Variants in SLC16A7 observed in about 807,000 individuals in gnomAD.
SLC16A7 encodes monocarboxylate transporter 2.
SLC16A7 carries 33 observed loss-of-function variants against 34.9 expected under a neutral mutation model. The ratio of observed to expected loss-of-function variants is 0.94; its 90% CI spans 0.72 to 1.26. The LOEUF (loss-of-function observed/expected upper bound fraction) is 1.26. Ranked by LOEUF, SLC16A7 falls within the 50% of genes most tolerant of loss-of-function variation. SLC16A7 has a pLI of 0.00. For missense variants in SLC16A7, 573 were observed against 578.1 expected, an observed-to-expected ratio of 0.99 and a Z score of 0.09; for synonymous variants, 201 against 206.6, an observed-to-expected ratio of 0.97 and a Z score of 0.23.
At chr12:59,752,395 C>T (rs992029546) in intron 3 of SLC16A7, among the ~76,000 whole-genome samples, 2 of 152,046 alleles carry the variant, frequency 1.3e-5, no homozygotes, top group Non-Finnish European at 2.9e-5. Flanking sequence ...ATAACCAATA[C>T]AGAGAAGTGC....
At chr12:59,678,980 A>G (rs1011424370) in intron 2 of SLC16A7, among the ~76,000 whole-genome samples, 2 of 152,168 alleles carry the variant, frequency 1.3e-5, no homozygotes, top group South Asian at 2.1e-4. Flanking sequence ...CTGGGTTGCA[A>G]CAGTGCCCAG....
intron 2 of SLC16A7, among the ~76,000 whole-genome samples, chr12:59,673,015 A>G (rs1387750128): frequency 6.6e-6 from 1 of 152,290 alleles, no homozygotes; most frequent in East Asian, 1.9e-4. Flanking sequence ...TAACAAAGCC[A>G]TAGAATTCTG....
intron 2 of SLC16A7, among the ~76,000 whole-genome samples, chr12:59,665,792 CTT>C (rs1477702394): frequency 2.7e-5 from 4 of 147,672 alleles, no homozygotes; most frequent in Non-Finnish European, 1.5e-5. Context: ...ATACATATAA[CTT>C]TTATATATAT....
intron 2 of SLC16A7, among the ~76,000 whole-genome samples, chr12:59,692,723 C>T (rs562504438): frequency 4.6e-5 from 7 of 151,894 alleles, no homozygotes; most frequent in Admixed American, 3.3e-4. Flanking sequence ...ATTTAACCAC[C>T]GCAATAGTGT....
intron 1 of SLC16A7, among the ~76,000 whole-genome samples, chr12:59,612,519 T>G (rs1879245653): frequency 6.6e-6 from 1 of 152,198 alleles, no homozygotes; most frequent in African/African-American, 2.4e-5. Context: ...TTCCCCATTG[T>G]CTTGGTGATT....
At chr12:59,728,508 A>C (rs1876555796) in intron 3 of SLC16A7, among the ~76,000 whole-genome samples, 2 of 152,220 alleles carry the variant, frequency 1.3e-5, no homozygotes, top group African/African-American at 2.4e-5. Context: ...GGAGCTTTCA[A>C]GTACAAGAAC....
intron 3 of SLC16A7, among the ~76,000 whole-genome samples, chr12:59,718,225 C>T: frequency 6.6e-6 from 1 of 152,018 alleles, no homozygotes. Flanking sequence ...CTTCCTTTTT[C>T]CACTGGCAAT....
chr12:59,694,984 T>A (rs987886817), intron 2 of SLC16A7, among the ~76,000 whole-genome samples: 27 of 151,920 alleles, frequency 1.8e-4, no homozygotes, highest in African/African-American at 6.5e-4. Context: ...GTCAATTATG[T>A]TAAGGTGCTG....
At position 59,743,248 on chromosome 12, in the gene SLC16A7, A is replaced by C. The variant is rs557614245; in HGVS notation, c.218-27971A>C. 1.4e-3 allele frequency among the ~76,000 whole-genome samples: 210 copies of C among 152,344 alleles called. 1 individual carries two copies. Among genetic ancestry groups the C allele is most frequent in the Middle Eastern group, 6.8e-3 (2 of 294 alleles). ...AGTCAGAACAAAAGGCAAACTTTGT[A>C]AATTATTTACCTATAAATCAAAACA... On this transcript the variant is annotated intron_variant, in intron 3 of 5. Transcript: ENST00000547379.
rs577632939 is a variant in SLC16A7 at position 59,646,232 on chromosome 12, G to A, written c.-129-8920G>A. On this transcript the variant is annotated intron_variant, in intron 1 of 5. Transcript: ENST00000547379. ...AGAGACCGTCACAGCAGCCCCTTCC[G>A]TCACAGGCTTGGAGGCCTAGGAGGG... 3.5e-4 allele frequency among the ~76,000 whole-genome samples: 53 copies of A among 152,264 alleles called. 1 individual carries two copies. In the South Asian group the frequency reaches 3.9e-3, roughly 11 times the overall value.
intron 3 of SLC16A7, among the ~76,000 whole-genome samples, chr12:59,721,913 G>A (rs1875646221): frequency 6.6e-6 from 1 of 151,532 alleles, no homozygotes; most frequent in South Asian, 2.1e-4. Context: ...TCTATTTTTG[G>A]TTCTTCCTTT....
intron 2 of SLC16A7, among the ~76,000 whole-genome samples, chr12:59,682,018 G>T: frequency 6.6e-6 from 1 of 152,128 alleles, no homozygotes; most frequent in South Asian, 2.1e-4. Context: ...AAGGAACTGG[G>T]TTAAACTCAC....
intron 3 of SLC16A7, among the ~76,000 whole-genome samples, chr12:59,715,367 T>C (rs1292591197): frequency 2.0e-5 from 3 of 152,220 alleles, no homozygotes; most frequent in African/African-American, 7.2e-5. Flanking sequence ...CTATAATTTA[T>C]TCCTGAATTA....
At chr12:59,694,382 A>C (rs1872031893) in intron 2 of SLC16A7, among the ~76,000 whole-genome samples, 1 of 151,952 alleles carries the variant, frequency 6.6e-6, no homozygotes, top group Non-Finnish European at 1.5e-5. Context: ...TATGATTTAC[A>C]TACAAAAAGC....
intron 1 of SLC16A7, among the ~76,000 whole-genome samples, chr12:59,610,938 C>A (rs903862480): frequency 1.3e-5 from 2 of 151,800 alleles, no homozygotes; most frequent in African/African-American, 4.8e-5. Context: ...TTTTTTTTCA[C>A]AGTTCTGGAG....
At chr12:59,664,237 T>C (rs1869015073) in intron 2 of SLC16A7, among the ~76,000 whole-genome samples, 1 of 152,080 alleles carries the variant, frequency 6.6e-6, no homozygotes, top group South Asian at 2.1e-4. Flanking sequence ...ACCTAGAATA[T>C]GAGAAGCATT....
At chr12:59,682,797 A>G (rs1565646677) in intron 2 of SLC16A7, among the ~76,000 whole-genome samples, 1 of 152,188 alleles carries the variant, frequency 6.6e-6, no homozygotes, top group African/African-American at 2.4e-5. Flanking sequence ...GCGGCCAGTC[A>G]CAGTAGCTCA....
chr12:59,708,984 C>CA, intron 3 of SLC16A7, among the ~76,000 whole-genome samples: 1 of 151,540 alleles, frequency 6.6e-6, no homozygotes, highest in East Asian at 1.9e-4. Context: ...AGTGTGGTCA[C>CA]CCCATTAATA....
chr12:59,720,414 A>G (rs1693602), intron 3 of SLC16A7, among the ~76,000 whole-genome samples: 18,643 of 152,098 alleles, frequency 0.12, 1,495 homozygotes, highest in African/African-American at 0.22. Context: ...TTGTATCACT[A>G]AAATGAAATA....
Sources: allele counts gnomAD v4.1 joint callset (sites outside exome capture counted in the v4.1 genomes callset), GRCh38; gene constraint gnomAD v4.1.1; transcripts MANE v1.5; gene names NCBI Gene and HGNC (gene_info 2026-07-23, HGNC 2026-07-21).